The following SLC5A9 variants were observed in gnomAD, a reference collection of about 807,000 sequenced individuals.
The protein encoded by SLC5A9 is solute carrier family 5 member 9.
SLC5A9 carries 59 observed loss-of-function variants against 70.9 expected under a neutral mutation model. The ratio of observed to expected loss-of-function variants is 0.83; its 90% CI spans 0.68 to 1.03. The LOEUF (loss-of-function observed/expected upper bound fraction) is 1.03, where lower values mean the gene tolerates loss of function less well. Among genes scored for constraint, SLC5A9 ranks in the 50% least tolerant of loss-of-function variants. The pLI is 0.00. For missense variants in SLC5A9, 832 were observed against 881.1 expected, an observed-to-expected ratio of 0.94 and a Z score of 0.71; for synonymous variants, 340 against 346.5, an observed-to-expected ratio of 0.98 and a Z score of 0.21.
In SLC5A9 at chr1:48,239,456, C is replaced by T. The variant is rs748567609; in HGVS notation, c.1596C>T (p.Tyr532=). 2.5e-6 allele frequency: 4 copies of T among 1,614,190 alleles called. No homozygotes were observed. Among genetic ancestry groups the T allele is most frequent in the Non-Finnish European group, 3.4e-6 (4 of 1,180,038 alleles). The change falls in exon 12 of 14, where the codon TAC becomes TAT. Residue 532 remains tyrosine (Y), a synonymous_variant. Coordinates refer to ENST00000438567, the MANE Select transcript of SLC5A9 (RefSeq NM_001011547.3). This position sits in a 1 kb window ranked among gnomAD's most constrained non-coding sequence, Gnocchi z 4.2. ...PAVLKDFHYL[Y]FAILLCGLTA... is the part of the protein sequence containing the mutation. ...TGCTGAAGGACTTCCACTACCTGTA[C>T]TTTGCAATCCTCCTCTGCGGGCTCA...
chr1:48,237,572 G>T (rs1644343243), intron 10 of SLC5A9, 107 bp from the exon 11 acceptor site: 3 of 1,092,414 alleles, frequency 2.7e-6, no homozygotes, highest in African/African-American at 1.6e-5. Flanking sequence ...TCTAGTGATT[G>T]TACATTCCCC....
In SLC5A9 at chr1:48,232,473, C is replaced by G. The variant is rs1644263949; in HGVS notation, c.1004C>G (p.Pro335Arg). ...CTCCCCATGTTCTTCATCGTCATGC[C>G]TGGCATGATCAGCCGGGCCCTGTTC... ...KILPMFFIVMPGMISRALFPD... is the reference protein window; with the variant it reads ...KILPMFFIVMRGMISRALFPD... Residue 335 changes from proline to arginine, a missense_variant, in exon 8 of 14, where the codon CCT becomes CGT. Physicochemically the swap from Pro to Arg is moderately radical, Grantham distance 103. Transcript: ENST00000438567. 1 of 1,614,216 alleles carries G rather than the reference C, an allele frequency of 6.2e-7. No homozygotes were observed. Among genetic ancestry groups the G allele is most frequent in the South Asian group, 1.1e-5 (1 of 91,090 alleles).
chr1:48,239,485 C>T lies in SLC5A9; in HGVS notation c.1625C>T (p.Ala542Val), dbSNP rs1461739580. ...YFAILLCGLT[A>V]IVIVIVSLCT... ...GCAATCCTCCTCTGCGGGCTCACTG[C>T]CATCGTCATTGTCATTGTCAGCCTC... Residue 542 changes from alanine to valine, a missense_variant, in exon 12 of 14, where the codon GCC becomes GTC. Physicochemically the swap from Ala to Val is moderately conservative, Grantham distance 64. Coordinates refer to ENST00000438567, the MANE Select transcript of SLC5A9 (RefSeq NM_001011547.3). This position sits in a 1 kb window ranked among gnomAD's most constrained non-coding sequence, Gnocchi z 4.2. 2 of 1,614,092 alleles carry T rather than the reference C, an allele frequency of 1.2e-6. No individual in the cohort carries two copies. The highest frequency in any genetic ancestry group is 1.7e-6 in the Non-Finnish European group (2 of 1,180,042).
intron 2 of SLC5A9, 62 bp downstream of exon 2, chr1:48,224,857 A>T: frequency 6.8e-7 from 1 of 1,475,276 alleles, no homozygotes; most frequent in East Asian, 2.3e-5. Flanking sequence ...CCTCCCCACT[A>T]TCCAAGCACT....
At chr1:48,241,702 TTCTC>T (rs61544545) in intron 12 of SLC5A9, among the ~76,000 whole-genome samples, 267 of 149,436 alleles carry the variant, frequency 1.8e-3, no homozygotes, top group African/African-American at 2.9e-3. Flanking sequence ...TGTGTACATG[TTCTC>T]TCTCTCTCTC....
chr1:48,242,596 T>G lies in SLC5A9; in HGVS notation c.1817T>G (p.Leu606Arg), dbSNP rs1338791680. 6.2e-7 allele frequency: 1 copy of G among 1,611,728 alleles called. No individual in the cohort carries two copies. The highest frequency in any genetic ancestry group is 1.1e-5 in the South Asian group (1 of 90,888). ...GGTGGAGCGGCAGAGAACTCGAGCC[T>G]GGGCCAGGAGCAGCCTGAAGGTAGG... ...AGGGAAENSS[L>R]GQEQPEAPSR... is the part of the protein sequence containing the mutation. The change falls in exon 13 of 14, where the codon CTG (leucine) becomes CGG (arginine). Residue 606 changes from leucine (L) to arginine (R), a missense_variant. Physicochemically the swap from Leu to Arg is moderately radical, Grantham distance 102. Coordinates refer to ENST00000438567, the MANE Select transcript of SLC5A9 (RefSeq NM_001011547.3).
At chr1:48,233,412 GT>G (rs1644284583) in intron 8 of SLC5A9, among the ~76,000 whole-genome samples, 1 of 144,274 alleles carries the variant, frequency 6.9e-6, no homozygotes, top group Non-Finnish European at 1.5e-5. Flanking sequence ...ATAATAAGCA[GT>G]TTAGGCTTTG....
intron 10 of SLC5A9, among the ~76,000 whole-genome samples, chr1:48,237,192 T>A (rs368836286): frequency 1.3e-4 from 19 of 151,400 alleles, no homozygotes; most frequent in African/African-American, 4.4e-4. Context: ...GGTGAATAAG[T>A]GGGATTCTTT....
chr1:48,227,974 T>C (rs1213934662), intron 2 of SLC5A9: 1 of 150,828 alleles, frequency 6.6e-6, no homozygotes, highest in Admixed American at 6.6e-5. Context: ...CTCCCCGAGG[T>C]CTCCTTAAGC....
chr1:48,244,792 T>TATATTTATATTATATATAAATG, intron 13 of SLC5A9, among the ~76,000 whole-genome samples: 1 of 133,608 alleles, frequency 7.5e-6, no homozygotes, highest in Non-Finnish European at 1.6e-5. Context: ...ATATATAAAT[T>TATATTTATATTATATATAAATG]ATATTTATAT....
In SLC5A9 at chr1:48,231,742, T is replaced by C; in HGVS notation, c.691+117T>C. 3.3e-6 allele frequency: 5 copies of C among 1,522,454 alleles called. No individual in the cohort carries two copies. In the East Asian group the frequency reaches 1.2e-4, roughly 37 times the overall value. The allele number at this position is 1,522,454 out of a possible 1,614,324, so 94.3% of individuals were successfully genotyped here. ...AGTGCATAGAGCCATGTGAGCCATG[T>C]CCCCTCTCCAGGCTGCAGCTCCCAA... On this transcript the variant is annotated intron_variant, in intron 6 of 13. Transcript: ENST00000438567.
chr1:48,229,608 C>A, intron 4 of SLC5A9, 149 bp downstream of exon 4: 1 of 1,302,164 alleles, frequency 7.7e-7, no homozygotes, highest in Non-Finnish European at 1.0e-6. Flanking sequence ...AATGCATGTT[C>A]TGCCTCAGCA....
At chr1:48,230,532 T>G (rs1569829370) in intron 4 of SLC5A9, 68 bp from the exon 5 acceptor site, 2 of 1,022,022 alleles carry the variant, frequency 2.0e-6, no homozygotes. Context: ...GGCAGGCAGG[T>G]GATGTGTCCA....
chr1:48,227,229 A>AGT (rs747060879), intron 2 of SLC5A9, among the ~76,000 whole-genome samples: 8 of 96,054 alleles, frequency 8.3e-5, no homozygotes, highest in African/African-American at 2.3e-4. Flanking sequence ...TGCATGTGTG[A>AGT]GTGTGTGTGT....
chr1:48,244,018 G>A (rs894698792), intron 13 of SLC5A9, among the ~76,000 whole-genome samples: 1 of 152,142 alleles, frequency 6.6e-6, no homozygotes, highest in African/African-American at 2.4e-5. Context: ...TGTCAATAAC[G>A]TAGTAATATT....
Position 48,231,997 on chromosome 1 carries a change from C to T in SLC5A9, c.743C>T (p.Ala248Val), listed in dbSNP as rs905566447. The change falls in exon 7 of 14, where the codon GCC becomes GTC. Residue 248 changes from alanine to valine, a missense_variant. By Grantham distance (64) the Ala-to-Val change is moderately conservative. Coordinates refer to ENST00000438567, the MANE Select transcript of SLC5A9 (RefSeq NM_001011547.3). ...YPGLEQRYRQ[A>V]IPNVTVPNTT... Reference sequence around the variant, plus strand: ...GGCCTGGAGCAGCGGTACAGGCAGGCCATCCCTAATGTCACAGTCCCCAAC... The same window carrying T: ...GGCCTGGAGCAGCGGTACAGGCAGGTCATCCCTAATGTCACAGTCCCCAAC... The T allele has an allele frequency of 1.2e-6, 2 of 1,614,170 alleles. No homozygotes were observed. Among genetic ancestry groups the T allele is most frequent in the Admixed American group, 1.7e-5 (1 of 60,030 alleles).
chr1:48,224,788 G>A lies in SLC5A9; in HGVS notation c.227G>A (p.Trp76Ter). The change falls in exon 2 of 14, where the codon TGG becomes TAG. Residue 76 changes from tryptophan (W) to a stop codon, truncating the protein, a stop_gained. Coordinates refer to ENST00000438567, the MANE Select transcript of SLC5A9 (RefSeq NM_001011547.3). LOFTEE classifies it high-confidence loss of function. The part of the protein sequence containing the change: ...GYFLAGRSMS[W>*]WPIGASLMSS... ...TTCCTGGCCGGGAGGTCCATGAGCT[G>A]GTGGCCAGTGAGTTGACCCTTCTCA... is the stretch of plus-strand genomic sequence containing the variant. 1 of 1,614,042 alleles carries A rather than the reference G, an allele frequency of 6.2e-7. No individual in the cohort carries two copies. The highest frequency in any genetic ancestry group is 8.5e-7 in the Non-Finnish European group (1 of 1,179,980).
Position 48,244,878 on chromosome 1 carries a change from G to GTGTGTGTATATATATATA in SLC5A9, c.1837+2263_1837+2264insGTGTGTATATATATATAT, listed in dbSNP as rs1391896495. Among the ~76,000 whole-genome samples the GTGTGTGTATATATATATA allele has an allele frequency of 2.9e-3, 86 of 29,402 alleles. 13 individuals carry two copies. Among genetic ancestry groups the GTGTGTGTATATATATATA allele is most frequent in the South Asian group, 6.3e-3 (4 of 634 alleles). 19.3% of individuals were successfully genotyped at this position (29,402 alleles called of 152,430 possible). The stretch of plus-strand genomic sequence containing the variant: ...TGTGTGTGTGTATGTATGTGTATGT[G>GTGTGTGTATATATATATA]TATATATATATATATATATATATAT... On this transcript the variant is annotated intron_variant, in intron 13 of 13. Transcript: ENST00000438567.
intron 10 of SLC5A9, among the ~76,000 whole-genome samples, chr1:48,237,361 TG>T (rs71853018): frequency 0.23 from 22,458 of 95,632 alleles, 1,212 homozygotes; most frequent in African/African-American, 0.34. Flanking sequence ...TTGACTGGGG[TG>T]GGGGGTGGGG....
Sources: allele counts gnomAD v4.1 joint callset (sites outside exome capture counted in the v4.1 genomes callset), GRCh38; gene constraint gnomAD v4.1.1; non-coding constraint Gnocchi (gnomAD v3.1); transcripts MANE v1.5; gene names NCBI Gene and HGNC (gene_info 2026-07-23, HGNC 2026-07-21).